Variants in CCDC125 observed in about 807,000 individuals in gnomAD.
CCDC125 encodes coiled-coil domain containing 125.
CCDC125 carries 43 observed loss-of-function variants against 57.4 expected under a neutral mutation model. The ratio of observed to expected loss-of-function variants is 0.75; its 90% CI spans 0.59 to 0.97. The LOEUF (loss-of-function observed/expected upper bound fraction) is 0.97. Among genes scored for constraint, CCDC125 ranks in the 50% least tolerant of loss-of-function variants. The pLI, the probability that CCDC125 is intolerant of heterozygous loss-of-function variation, is 0.00. For synonymous variants in CCDC125, 187 were observed against 195.2 expected, an observed-to-expected ratio of 0.96 and a Z score of 0.35; for missense variants, 563 against 595.7, an observed-to-expected ratio of 0.95 and a Z score of 0.57.
intron 2 of CCDC125, 73 bp downstream of exon 2, chr5:69,320,164 T>C: frequency 7.7e-7 from 1 of 1,296,062 alleles, no homozygotes. Context: ...TTATTTATTT[T>C]AGATTTTGGA....
intron 8 of CCDC125, among the ~76,000 whole-genome samples, chr5:69,298,067 G>A (rs1755694956): frequency 6.6e-6 from 1 of 150,790 alleles, no homozygotes; most frequent in Non-Finnish European, 1.5e-5. Context: ...CCAGGCTGGA[G>A]TGCAGTGGCA....
At position 69,299,210 on chromosome 5, in the gene CCDC125, C is replaced by T. The variant is rs192437717; in HGVS notation, c.816+802G>A. ...CTGCAAGCTCCGCCTCCTGGGTTCACGCCATTCTCCTGCCTCAGCCTCCCA... is the reference window on the plus strand; with the variant it reads ...CTGCAAGCTCCGCCTCCTGGGTTCATGCCATTCTCCTGCCTCAGCCTCCCA... On this transcript the variant is annotated intron_variant, in intron 8 of 11. Coordinates refer to ENST00000396496, the MANE Select transcript of CCDC125 (RefSeq NM_176816.5). Among the ~76,000 whole-genome samples, 823 of 151,880 alleles carry T rather than the reference C, an allele frequency of 5.4e-3. 6 individuals carry two copies. The highest frequency in any genetic ancestry group is 0.018 in the African/African-American group (756 of 41,378).
At position 69,320,257 on chromosome 5, in the gene CCDC125, T is replaced by C. The variant is rs140726863; in HGVS notation, c.284A>G (p.Tyr95Cys). 13 of 1,613,608 alleles carry C rather than the reference T, an allele frequency of 8.1e-6. No homozygotes were observed. Among genetic ancestry groups the C allele is most frequent in the Admixed American group, 1.7e-5 (1 of 59,888 alleles). ...CTTACCAGTGCTACTTTGTCGTCTGTAATTGGAAATTCTGGACACTTGAGG... is the reference window on the plus strand; with the variant it reads ...CTTACCAGTGCTACTTTGTCGTCTGCAATTGGAAATTCTGGACACTTGAGG... Reference protein sequence around the residue: ...TFPQVSRISNYRRQSSTVDSN... With the variant: ...TFPQVSRISNCRRQSSTVDSN... Residue 95 changes from tyrosine (Y) to cysteine (C), a missense_variant, in exon 2 of 12, where the codon TAC becomes TGC. Physicochemically the swap from Tyr to Cys is radical, Grantham distance 194. Transcript: ENST00000396496.
chr5:69,299,968 T>C (rs201186983), intron 8 of CCDC125, 44 bp downstream of exon 8: 32 of 1,378,448 alleles, frequency 2.3e-5, no homozygotes, highest in Middle Eastern at 3.6e-4. Context: ...GAAAGGAAAG[T>C]AGCAAATGTC....
At chr5:69,314,182 A>T (rs28462372) in intron 2 of CCDC125, 136 bp from the exon 3 acceptor site, 2 of 620,940 alleles carry the variant, frequency 3.2e-6, no homozygotes, top group Non-Finnish European at 2.8e-6. Flanking sequence ...TTATAATAGA[A>T]CACCAGGTGC....
At chr5:69,302,431 A>AC (rs1756627513) in intron 7 of CCDC125, among the ~76,000 whole-genome samples, 1 of 148,032 alleles carries the variant, frequency 6.8e-6, no homozygotes, top group Non-Finnish European at 1.5e-5. Context: ...AAAAAAAAAA[A>AC]AAAAAAAAAA....
In CCDC125 at chr5:69,285,352, C is replaced by G; in HGVS notation, c.1215G>C (p.Lys405Asn). 1 of 1,610,322 alleles carries G rather than the reference C, an allele frequency of 6.2e-7. No individual in the cohort carries two copies. Among genetic ancestry groups the G allele is most frequent in the Non-Finnish European group, 8.5e-7 (1 of 1,179,060 alleles). Residue 405 changes from lysine to asparagine, a missense_variant, in exon 11 of 12, where the codon AAG (lysine) becomes AAC (asparagine). Physicochemically the swap from Lys to Asn is moderately conservative, Grantham distance 94. Coordinates refer to ENST00000396496, the MANE Select transcript of CCDC125 (RefSeq NM_176816.5). ...AGACACTAACCAAATCTATGAGCAT[C>G]TTAAGGACCTCTTGAGGACTGTCCT... ...EDQDSPQEVLKMLIDLLNDKE... is the reference protein window; with the variant it reads ...EDQDSPQEVLNMLIDLLNDKE...
intron 1 of CCDC125, among the ~76,000 whole-genome samples, chr5:69,326,182 T>C (rs1760716144): frequency 6.6e-6 from 1 of 152,152 alleles, no homozygotes; most frequent in Non-Finnish European, 1.5e-5. Context: ...GAGCCAACAC[T>C]CTTAGCCACT....
chr5:69,274,579 G>A, the CCDC125 span, among the ~76,000 whole-genome samples: 1 of 152,026 alleles, frequency 6.6e-6, no homozygotes, highest in South Asian at 2.1e-4. Context: ...AGTTTATATG[G>A]GCTTCATCTT....
In CCDC125 at chr5:69,282,602, G is replaced by A. The variant is rs529658549; in HGVS notation, c.*127C>T. 16 of 704,894 alleles carry A rather than the reference G, an allele frequency of 2.3e-5. No homozygotes were observed. The African/African-American group carries it at 2.9e-4, about 13-fold the overall frequency. The allele number at this position is 704,894 out of a possible 1,614,324, so 43.7% of individuals were successfully genotyped here. On this transcript the variant is annotated 3_prime_UTR_variant, in exon 12 of 12. Transcript: ENST00000396496. ...AATGTAGAAAATATTTGATTTAAGT[G>A]ACCTCCTAAAATTTAGAAATACCTA...
intron 9 of CCDC125, among the ~76,000 whole-genome samples, chr5:69,293,254 T>C (rs757382986): frequency 5.3e-5 from 8 of 152,216 alleles, no homozygotes. Flanking sequence ...TTCTCCCACC[T>C]CAGCCTCCCA....
At chr5:69,284,782 T>C (rs1012119025) in intron 11 of CCDC125, among the ~76,000 whole-genome samples, 2 of 152,092 alleles carry the variant, frequency 1.3e-5, no homozygotes, top group African/African-American at 4.8e-5. Flanking sequence ...AGAATTGTCT[T>C]GGGCCACACA....
intron 8 of CCDC125, among the ~76,000 whole-genome samples, chr5:69,299,404 C>T (rs1435257613): frequency 6.6e-6 from 1 of 152,138 alleles, no homozygotes. Flanking sequence ...CCACCGTGCC[C>T]GGCCTTCTTA....
chr5:69,304,793 T>C (rs749233662), intron 6 of CCDC125, among the ~76,000 whole-genome samples: 17 of 152,198 alleles, frequency 1.1e-4, no homozygotes, highest in Non-Finnish European at 2.4e-4. Context: ...ACCATCCATT[T>C]TGCATACTCA....
At chr5:69,330,792 T>C (rs1761320882) in intron 1 of CCDC125, among the ~76,000 whole-genome samples, 2 of 152,192 alleles carry the variant, frequency 1.3e-5, no homozygotes, top group South Asian at 4.1e-4. Context: ...TGTCATTCTT[T>C]GCACATTAAT....
At chr5:69,317,222 G>C (rs1759252824) in intron 2 of CCDC125, among the ~76,000 whole-genome samples, 1 of 151,986 alleles carries the variant, frequency 6.6e-6, no homozygotes, top group Non-Finnish European at 1.5e-5. Flanking sequence ...TCTTGGCCAG[G>C]CTGGTCTCAA....
At chr5:69,320,721 A>G (rs1329069505) in intron 1 of CCDC125, 141 bp from the exon 2 acceptor site, 2 of 602,568 alleles carry the variant, frequency 3.3e-6, no homozygotes, top group Non-Finnish European at 5.9e-6. Flanking sequence ...TGTTCACAAT[A>G]GCCAAGATAT....
intron 11 of CCDC125, among the ~76,000 whole-genome samples, chr5:69,284,752 T>C (rs1443328423): frequency 6.6e-6 from 1 of 152,152 alleles, no homozygotes; most frequent in African/African-American, 2.4e-5. Context: ...TTGGCTTCCC[T>C]GGGCCACACT....
intron 6 of CCDC125, among the ~76,000 whole-genome samples, chr5:69,304,181 T>G (rs1756959154): frequency 6.6e-6 from 1 of 151,770 alleles, no homozygotes; most frequent in Admixed American, 6.6e-5. Context: ...CTCAGCTCAC[T>G]GCAACCTCCA....
Sources: gnomAD v4.1 joint callset for allele counts (sites outside exome capture counted in the v4.1 genomes callset) on GRCh38, gnomAD v4.1.1 for gene constraint, MANE v1.5 for transcripts, NCBI Gene and HGNC (gene_info 2026-07-23, HGNC 2026-07-21) for gene names.